The following LIMS4 variants were observed in gnomAD, a reference collection of about 807,000 sequenced individuals.
LIMS4 encodes the protein LIM and senescent cell antigen-like-containing domain protein 4.
chr2:110,406,096 ATCCCATTGAG>A, the LIMS4 span, among the ~76,000 whole-genome samples: 1 of 80,758 alleles, frequency 1.2e-5, no homozygotes, highest in Non-Finnish European at 2.1e-5. Flanking sequence ...CAGCAGGCAC[ATCCCATTGAG>A]TCCCTGTAAG....
chr2:110,366,368 G>T, the LIMS4 span, among the ~76,000 whole-genome samples: 1 of 152,314 alleles, frequency 6.6e-6, no homozygotes, highest in East Asian at 1.9e-4. Flanking sequence ...TTATGCCTGG[G>T]ATGCAAGGTT....
the LIMS4 span, among the ~76,000 whole-genome samples, chr2:110,369,147 T>C: frequency 8.4e-5 from 8 of 94,686 alleles, no homozygotes; most frequent in Non-Finnish European, 1.6e-4. Context: ...GATTCTGAAA[T>C]AATAAATAAA....
chr2:110,386,502 A>C, the LIMS4 span: 3 of 501,728 alleles, frequency 6.0e-6, no homozygotes, highest in East Asian at 3.2e-5. Flanking sequence ...TGCCCCGGAC[A>C]GGCAGATCTC....
the LIMS4 span, among the ~76,000 whole-genome samples, chr2:110,385,269 G>A: frequency 6.6e-6 from 1 of 150,596 alleles, no homozygotes; most frequent in African/African-American, 2.5e-5. Flanking sequence ...TATGTTAGGT[G>A]TAGTCCTATG....
At chr2:110,371,201 T>C in the LIMS4 span, among the ~76,000 whole-genome samples, 2 of 84,444 alleles carry the variant, frequency 2.4e-5, no homozygotes, top group African/African-American at 6.3e-5. Context: ...AGTACGTCAA[T>C]ACAACAAATA....
the LIMS4 span, among the ~76,000 whole-genome samples, chr2:110,359,399 G>A: frequency 1.4e-5 from 1 of 69,884 alleles, no homozygotes; most frequent in Admixed American, 1.8e-4. Flanking sequence ...AACTATAAAC[G>A]GAAGGGACAG....
At chr2:110,401,579 A>C in the LIMS4 span, among the ~76,000 whole-genome samples, 1 of 143,232 alleles carries the variant, frequency 7.0e-6, no homozygotes, top group Non-Finnish European at 1.5e-5. Flanking sequence ...GATTATTATA[A>C]TATTGGAATA....
At chr2:110,379,490 A>ATT in the LIMS4 span, among the ~76,000 whole-genome samples, 3 of 105,402 alleles carry the variant, frequency 2.8e-5, no homozygotes, top group Non-Finnish European at 5.4e-5. Context: ...GAGAAAGAAT[A>ATT]TTGTGAGAGG....
the LIMS4 span, among the ~76,000 whole-genome samples, chr2:110,385,206 TAAACAAAC>T: frequency 8.2e-4 from 123 of 150,900 alleles, 11 homozygotes; most frequent in African/African-American, 2.7e-3. Context: ...CCATGGGGCC[TAAACAAAC>T]AAACAAACAA....
At chr2:110,363,887 T>TGGCTCAC in the LIMS4 span, 1 of 211,612 alleles carries the variant, frequency 4.7e-6, no homozygotes, top group African/African-American at 2.3e-5. Flanking sequence ...CCAGGCGCAG[T>TGGCTCAC]GGCTCACGCC....
At chr2:110,361,934 G>A in the LIMS4 span, 1 of 1,436,954 alleles carries the variant, frequency 7.0e-7, no homozygotes, top group Non-Finnish European at 9.7e-7. Flanking sequence ...AGACTTCAGA[G>A]CAGCCACATC....
the LIMS4 span, among the ~76,000 whole-genome samples, chr2:110,390,429 A>G: frequency 8.2e-6 from 1 of 122,026 alleles, no homozygotes; most frequent in Non-Finnish European, 1.6e-5. Flanking sequence ...GGGTTTTCTG[A>G]TATTTCTCTC....
chr2:110,382,122 TATATATATATA>T, the LIMS4 span, among the ~76,000 whole-genome samples: 147 of 95,500 alleles, frequency 1.5e-3, 3 homozygotes, highest in African/African-American at 7.9e-3. Flanking sequence ...TATATATATA[TATATATATATA>T]TATATATATA....
At chr2:110,424,480 G>A in the LIMS4 span, among the ~76,000 whole-genome samples, 1 of 139,680 alleles carries the variant, frequency 7.2e-6, no homozygotes, top group South Asian at 2.3e-4. Context: ...AGTACTTGCC[G>A]GCCAACTGTC....
chr2:110,373,771 TGTGGTGG>T, the LIMS4 span, among the ~76,000 whole-genome samples: 6 of 149,256 alleles, frequency 4.0e-5, no homozygotes, highest in African/African-American at 1.6e-4. Context: ...GACTGGCCCC[TGTGGTGG>T]GTGATGTCTA....
the LIMS4 span, among the ~76,000 whole-genome samples, chr2:110,425,391 T>A: frequency 7.1e-6 from 1 of 139,912 alleles, no homozygotes. Flanking sequence ...CATAAAAAAT[T>A]AAATAAAGAC....
At chr2:110,379,356 TC>T in the LIMS4 span, among the ~76,000 whole-genome samples, 2 of 138,466 alleles carry the variant, frequency 1.4e-5, no homozygotes, top group Non-Finnish European at 3.0e-5. Context: ...AGTTGAGATG[TC>T]ACAACTTCCT....
the LIMS4 span, among the ~76,000 whole-genome samples, chr2:110,425,892 C>T: frequency 2.4e-5 from 3 of 124,050 alleles, no homozygotes; most frequent in South Asian, 2.6e-4. Context: ...AGGACACTGA[C>T]CTGCATTGCA....
chr2:110,367,977 T>G, the LIMS4 span, among the ~76,000 whole-genome samples: 1 of 145,252 alleles, frequency 6.9e-6, no homozygotes. Context: ...ATGTAAATTT[T>G]TCCTCAATTT....
Sources: gnomAD v4.1 joint callset for allele counts (sites outside exome capture counted in the v4.1 genomes callset) on GRCh38, gnomAD v4.1.1 for gene constraint, MANE v1.5 for transcripts, NCBI Gene and HGNC (gene_info 2026-07-23, HGNC 2026-07-21) for gene names.